CCNY: variants seen among roughly 807,000 people sequenced by gnomAD.
CCNY encodes cyclin Y.
In CCNY, 19 loss-of-function variants were observed where a neutral mutation model predicts 42.8. The observed-to-expected ratio is 0.44, with a 90% confidence interval of 0.31 to 0.65. CCNY has a LOEUF of 0.65. CCNY is among the 30% of genes least tolerant of loss of function. The pLI is 0.07. For synonymous variants in CCNY, 165 were observed against 162.7 expected (o/e 1.01, Z -0.11); for missense variants, 370 against 437.3 (o/e 0.85, Z 1.37).
rs528515543 is a variant in CCNY at position 35,389,578 on chromosome 10, T to C, written c.154+52371T>C. On this transcript the variant is annotated intron_variant, in intron 1 of 9. Coordinates refer to ENST00000374704, the MANE Select transcript of CCNY (RefSeq NM_145012.6). ...CCTCAGCCTCCCAAGTAGCTGGGAT[T>C]ACAGGCGCCTGCCACCATGCCCAGC... Among the ~76,000 whole-genome samples the C allele has an allele frequency of 5.3e-5, 8 of 152,174 alleles. No individual in the cohort carries two copies. The East Asian group carries it at 1.5e-3, about 29-fold the overall frequency.
chr10:35,343,298 C>T lies in CCNY; in HGVS notation c.154+6091C>T, dbSNP rs115533367. 1.9e-3 allele frequency among the ~76,000 whole-genome samples: 287 copies of T among 149,190 alleles called. 1 individual carries two copies. Among genetic ancestry groups the T allele is most frequent in the African/African-American group, 6.7e-3 (270 of 40,420 alleles). On this transcript the variant is annotated intron_variant, in intron 1 of 9. Transcript: ENST00000374704. ...GCCACTGCGCCCAGTCTCCTGCCTG[C>T]TTTTTGAGAGTAATGAAAATTAAAT...
chr10:35,472,741 TCATAGGATG>T (rs1181346477), intron 1 of CCNY, among the ~76,000 whole-genome samples: 1 of 152,224 alleles, frequency 6.6e-6, no homozygotes, highest in Non-Finnish European at 1.5e-5. Flanking sequence ...GATAGAAATG[TCATAGGATG>T]CATTTTGAAG....
chr10:35,440,745 G>A (rs1838648498), intron 1 of CCNY, among the ~76,000 whole-genome samples: 1 of 152,204 alleles, frequency 6.6e-6, no homozygotes, highest in African/African-American at 2.4e-5. Context: ...TTCCAAAGTA[G>A]AATGAAGTGT....
At chr10:35,262,257 CAAAAAAAAAA>C (rs1184383605) in intron 3 of CCNY, among the ~76,000 whole-genome samples, 1 of 25,088 alleles carries the variant, frequency 4.0e-5, no homozygotes, top group Admixed American at 5.6e-4. Context: ...AACTCTGTCT[CAAAAAAAAAA>C]AAAAAAAAAA....
At chr10:35,367,497 G>A (rs1015886757) in intron 1 of CCNY, among the ~76,000 whole-genome samples, 7 of 152,174 alleles carry the variant, frequency 4.6e-5, no homozygotes, top group African/African-American at 1.7e-4. Flanking sequence ...TTAGGTAAAG[G>A]TCATTTCTTG....
intron 7 of CCNY, among the ~76,000 whole-genome samples, chr10:35,540,535 A>G (rs1321620373): frequency 1.3e-5 from 2 of 151,108 alleles, no homozygotes; most frequent in Admixed American, 1.3e-4. Context: ...TAGTAGCCTC[A>G]TAGAACAAAT....
intron 1 of CCNY, among the ~76,000 whole-genome samples, chr10:35,360,422 G>C (rs1836658910): frequency 6.6e-6 from 1 of 151,598 alleles, no homozygotes; most frequent in African/African-American, 2.4e-5. Context: ...GAGTAACTGG[G>C]ACCACAGGCA....
At chr10:35,453,762 C>T (rs1838970094) in intron 1 of CCNY, among the ~76,000 whole-genome samples, 1 of 152,016 alleles carries the variant, frequency 6.6e-6, no homozygotes, top group Non-Finnish European at 1.5e-5. Flanking sequence ...ATTGAAATAG[C>T]TGGGCAATAT....
At chr10:35,482,843 T>C (rs1469415247) in intron 1 of CCNY, among the ~76,000 whole-genome samples, 1 of 151,932 alleles carries the variant, frequency 6.6e-6, no homozygotes, top group Non-Finnish European at 1.5e-5. Flanking sequence ...TTGTCTTAAA[T>C]GTTTTTTAAA....
chr10:35,570,754 CTCAA>C lies in CCNY; in HGVS notation c.*1586_*1589del, dbSNP rs1841670418. On this transcript the variant is annotated 3_prime_UTR_variant, in exon 10 of 10. Transcript: ENST00000374704. ...ACCTGATCCCCAAACATTGCCTGCT[CTCAA>C]TGAAACATGCTTTGGAAATGGAAGG... 4 of 152,278 alleles carry C rather than the reference CTCAA, an allele frequency of 2.6e-5. No homozygotes were observed. In the South Asian group the frequency reaches 8.3e-4, roughly 32 times the overall value. The allele number at this position is 152,278 out of a possible 1,614,324, so 9.4% of individuals were successfully genotyped here.
upstream of CCNY, among the ~76,000 whole-genome samples, chr10:35,332,001 T>C (rs935445053): frequency 1.3e-5 from 2 of 152,158 alleles, no homozygotes; most frequent in African/African-American, 2.4e-5. Context: ...CTCTCAAAAA[T>C]GTTATCCAGA....
At chr10:35,554,676 G>A (rs1841327596) in intron 8 of CCNY, among the ~76,000 whole-genome samples, 1 of 152,144 alleles carries the variant, frequency 6.6e-6, no homozygotes, top group African/African-American at 2.4e-5. Flanking sequence ...TGGTTTAGGT[G>A]GTGCTCAGGT....
At chr10:35,290,204 C>T (rs1835396527) in intron 3 of CCNY, among the ~76,000 whole-genome samples, 1 of 141,948 alleles carries the variant, frequency 7.0e-6, no homozygotes, top group Non-Finnish European at 1.5e-5. Context: ...CCAGCCTGGG[C>T]AACACAGCAA....
intron 1 of CCNY, among the ~76,000 whole-genome samples, chr10:35,247,448 G>A (rs1030142909): frequency 6.6e-6 from 1 of 151,994 alleles, no homozygotes; most frequent in South Asian, 2.1e-4. Context: ...AGCCAGGCAC[G>A]GTGGTGCACA....
chr10:35,317,473 A>G (rs1835774217), intron 3 of CCNY, among the ~76,000 whole-genome samples: 1 of 152,186 alleles, frequency 6.6e-6, no homozygotes, highest in Non-Finnish European at 1.5e-5. Flanking sequence ...CATGTGTTTA[A>G]TCTGATTTCC....
upstream of CCNY, among the ~76,000 whole-genome samples, chr10:35,331,640 A>G (rs1200592998): frequency 2.0e-5 from 3 of 152,174 alleles, no homozygotes; most frequent in Non-Finnish European, 4.4e-5. Context: ...TCCTCAACAC[A>G]ACGTCCCTGG....
upstream of CCNY, among the ~76,000 whole-genome samples, chr10:35,334,548 C>T (rs1247937419): frequency 1.3e-5 from 2 of 152,194 alleles, no homozygotes; most frequent in African/African-American, 4.8e-5. Flanking sequence ...CAATGAAGAG[C>T]ACTATTTTGG....
chr10:35,388,504 T>C (rs1000844877), intron 1 of CCNY, among the ~76,000 whole-genome samples: 3 of 152,226 alleles, frequency 2.0e-5, no homozygotes, highest in Non-Finnish European at 2.9e-5. Flanking sequence ...TATATACCAC[T>C]CAACATTTGC....
intron 1 of CCNY, among the ~76,000 whole-genome samples, chr10:35,453,239 G>A (rs1838957795): frequency 6.6e-6 from 1 of 152,128 alleles, no homozygotes; most frequent in Non-Finnish European, 1.5e-5. Context: ...GGCTAGTCCT[G>A]TATATAAAAT....
Sources: allele counts gnomAD v4.1 joint callset (sites outside exome capture counted in the v4.1 genomes callset), GRCh38; gene constraint gnomAD v4.1.1; transcripts MANE v1.5; gene names NCBI Gene and HGNC (gene_info 2026-07-23, HGNC 2026-07-21).